The following CLEC2L variants were observed in gnomAD, a reference collection of about 807,000 sequenced individuals.
The protein encoded by CLEC2L is C-type lectin domain family 2, member L.
Under a neutral mutation model 23.6 loss-of-function variants are expected in CLEC2L, and 14 were observed. That is an observed-to-expected ratio of 0.59 (90% CI 0.39 to 0.93). The LOEUF is 0.93. Ranked by LOEUF, CLEC2L falls within the 40% of genes least tolerant of loss-of-function variation. The probability of loss-of-function intolerance (pLI) is 0.00; values close to 1 mark genes in which losing one functional copy is unlikely to be tolerated. For missense variants in CLEC2L, 264 were observed against 282.4 expected (o/e 0.93, Z 0.47); for synonymous variants, 114 against 121.3 (o/e 0.94, Z 0.40).
chr7:139,530,170 C>T (rs1316659187), intron 1 of CLEC2L, among the ~76,000 whole-genome samples: 3 of 151,070 alleles, frequency 2.0e-5, no homozygotes, highest in East Asian at 1.9e-4. Flanking sequence ...TGTGACAGAG[C>T]GAGACTCTGT....
At chr7:139,531,674 T>G (rs1056703798) in intron 1 of CLEC2L, among the ~76,000 whole-genome samples, 2 of 152,086 alleles carry the variant, frequency 1.3e-5, no homozygotes, top group Non-Finnish European at 1.5e-5. Flanking sequence ...TTTGGGAGGC[T>G]GAGGCGGGTG....
rs879035410 is a variant in CLEC2L, at chr7:139,534,262, A to G, written c.191-2012A>G. 7 of 1,359,478 alleles carry G rather than the reference A, an allele frequency of 5.1e-6. No homozygotes were observed. The South Asian group carries it at 5.8e-5, about 11-fold the overall frequency. 84.2% of individuals were successfully genotyped at this position (1,359,478 alleles called of 1,614,324 possible). A position where few individuals can be genotyped will look rare whatever the true frequency, so the allele number is the denominator to read the frequency against. On this transcript the variant is annotated intron_variant, in intron 1 of 4. Transcript: ENST00000422142. ...CGCGATGTCTCACACCATTTTGCTG[A>G]TACAGACTACCAAGAGGCCAGAAGG... is the stretch of plus-strand genomic sequence containing the variant.
chr7:139,538,120 G>A (rs1026704842), intron 2 of CLEC2L, among the ~76,000 whole-genome samples: 44 of 152,292 alleles, frequency 2.9e-4, no homozygotes, highest in Admixed American at 8.5e-4. Flanking sequence ...GACAAGGAGA[G>A]GGGTTCTGAG....
chr7:139,523,884 AC>A lies in CLEC2L; in HGVS notation c.-40del, dbSNP rs1215952682. The A allele has an allele frequency of 1.0e-6, 1 of 977,080 alleles. No homozygotes were observed. The highest frequency in any genetic ancestry group is 1.2e-6 in the Non-Finnish European group (1 of 825,832). The allele number at this position is 977,080 out of a possible 1,614,324, so 60.5% of individuals were successfully genotyped here. A position where few individuals can be genotyped will look rare whatever the true frequency, so the allele number is the denominator to read the frequency against. ...GAGTGCGCGTCGGGCTGGGCCCCGC[AC>A]CCCGGTGCAGGAGCGCGGGCGCGGC... On this transcript the variant is annotated 5_prime_UTR_variant, in exon 1 of 5. Coordinates refer to ENST00000422142, the MANE Select transcript of CLEC2L (RefSeq NM_001080511.4). The surrounding 1 kb of genome is among the most constrained non-coding windows in gnomAD (Gnocchi z 4.1).
rs547133099 is a variant in CLEC2L at position 139,528,548 on chromosome 7, AG to A, written c.190+4432del. ...CTTTATAAAACCATCAGATCTTGTG[AG>A]ACTTACTCACTATCACAAGAACAGC... On this transcript the variant is annotated intron_variant, in intron 1 of 4. Transcript: ENST00000422142. Among the ~76,000 whole-genome samples the A allele has an allele frequency of 7.9e-5, 12 of 152,244 alleles. No individual in the cohort carries two copies. In the South Asian group the frequency reaches 2.5e-3, roughly 32 times the overall value.
intron 1 of CLEC2L, among the ~76,000 whole-genome samples, chr7:139,529,102 G>A (rs1441718442): frequency 2.0e-5 from 3 of 152,142 alleles, no homozygotes; most frequent in South Asian, 2.1e-4. Flanking sequence ...CTGAAGGTGA[G>A]TAAAGCACAG....
chr7:139,537,228 G>A (rs189797329), intron 2 of CLEC2L, among the ~76,000 whole-genome samples: 168 of 152,190 alleles, frequency 1.1e-3, no homozygotes, highest in African/African-American at 3.9e-3. Flanking sequence ...AGAGTGCTAG[G>A]GAGGAAAAAC....
chr7:139,542,102 G>T lies in CLEC2L; in HGVS notation c.514G>T (p.Asp172Tyr). 6.2e-7 allele frequency: 1 copy of T among 1,611,668 alleles called. No homozygotes were observed. The highest frequency in any genetic ancestry group is 8.5e-7 in the Non-Finnish European group (1 of 1,178,900). The change falls in exon 4 of 5, where the codon GAC becomes TAC. Residue 172 changes from aspartate to tyrosine, a missense_variant. Transcript: ENST00000422142. ...GGACGAATTCCACTGGGTCAACGGG[G>T]ACCCGTTTGATCCGGACACGTGAGC... ...VGDEFHWVNG[D>Y]PFDPDTFTIA...
intron 1 of CLEC2L, among the ~76,000 whole-genome samples, chr7:139,526,230 G>T (rs1157966581): frequency 6.6e-6 from 1 of 152,122 alleles, no homozygotes; most frequent in Non-Finnish European, 1.5e-5. Context: ...TGGGAAAGGA[G>T]CCTGAGAGGA....
rs780001718 is a variant in CLEC2L, at chr7:139,540,450, A to G, written c.395A>G (p.Glu132Gly). Residue 132 changes from glutamate (E) to glycine (G), a missense_variant, in exon 3 of 5, where the codon GAG becomes GGG. Physicochemically the swap from Glu to Gly is moderately conservative, Grantham distance 98 (BLOSUM62 -2). Transcript: ENST00000422142. This position sits in a 1 kb window ranked among gnomAD's most constrained non-coding sequence, Gnocchi z 5.8. ...NTGRQYCHTH[E>G]AVLAVIQSQK... Reference sequence around the variant, plus strand: ...GGCAGGCAGTACTGCCACACCCACGAGGCGGTGCTGGCTGTGATTCAGAGC... The same window carrying G: ...GGCAGGCAGTACTGCCACACCCACGGGGCGGTGCTGGCTGTGATTCAGAGC... 5 of 1,601,856 alleles carry G rather than the reference A, an allele frequency of 3.1e-6. No homozygotes were observed. The South Asian group carries it at 3.4e-5, about 11-fold the overall frequency.
chr7:139,530,813 C>CA (rs34317849), intron 1 of CLEC2L, among the ~76,000 whole-genome samples: 6,295 of 80,516 alleles, frequency 0.078, 469 homozygotes, highest in African/African-American at 0.19. Flanking sequence ...ACTCTTGTCT[C>CA]AAAAAAAAAA....
Position 139,523,770 on chromosome 7 carries a change from G to T in CLEC2L, c.-158G>T, listed in dbSNP as rs1485050041. 1 of 331,726 alleles carries T rather than the reference G, an allele frequency of 3.0e-6. No individual in the cohort carries two copies. The highest frequency in any genetic ancestry group is 4.3e-6 in the Non-Finnish European group (1 of 233,810). 20.5% of individuals were successfully genotyped at this position (331,726 alleles called of 1,614,324 possible). A position where few individuals can be genotyped will look rare whatever the true frequency, so the allele number is the denominator to read the frequency against. ...CACCCGGCGCAGAGGCTCCAGCGCG[G>T]GGAGCCGGGCTCAGCCCCGGCCTGC... On this transcript the variant is annotated 5_prime_UTR_variant, in exon 1 of 5. Transcript: ENST00000422142. The surrounding 1 kb of genome is among the most constrained non-coding windows in gnomAD (Gnocchi z 4.1).
chr7:139,540,289 C>T lies in CLEC2L; in HGVS notation c.266-32C>T, dbSNP rs529133616. 1.6e-4 allele frequency: 168 copies of T among 1,071,820 alleles called. No individual in the cohort carries two copies. Among genetic ancestry groups the T allele is most frequent in the Admixed American group, 1.6e-4 (7 of 43,106 alleles). 66.4% of individuals were successfully genotyped at this position (1,071,820 alleles called of 1,614,324 possible). A position where few individuals can be genotyped will look rare whatever the true frequency, so the allele number is the denominator to read the frequency against. On this transcript the variant is annotated intron_variant, in intron 2 of 4. Transcript: ENST00000422142. The surrounding 1 kb of genome is among the most constrained non-coding windows in gnomAD (Gnocchi z 5.8). ...CAGAGTGGGACTCGGGCTGGGGGGG[C>T]GGGCAGGGCCGAGCTGGTCTCTTCC...
intron 1 of CLEC2L, among the ~76,000 whole-genome samples, chr7:139,531,523 G>A (rs958838375): frequency 6.6e-6 from 1 of 152,120 alleles, no homozygotes; most frequent in Non-Finnish European, 1.5e-5. Flanking sequence ...GAAATTTGGA[G>A]GACCAATCTA....
chr7:139,525,718 A>G (rs1276646111), intron 1 of CLEC2L, among the ~76,000 whole-genome samples: 1 of 152,066 alleles, frequency 6.6e-6, no homozygotes, highest in African/African-American at 2.4e-5. Flanking sequence ...CCCAGCCCCC[A>G]TGGTAGGGCT....
chr7:139,542,182 C>G (rs1797745767), intron 4 of CLEC2L, 61 bp downstream of exon 4: 14 of 1,134,662 alleles, frequency 1.2e-5, no homozygotes, highest in Non-Finnish European at 1.7e-5. Context: ...TGACTCACCC[C>G]CTGGACACAA....
chr7:139,525,178 AC>A (rs1797489541), intron 1 of CLEC2L, among the ~76,000 whole-genome samples: 1 of 151,646 alleles, frequency 6.6e-6, no homozygotes, highest in Non-Finnish European at 1.5e-5. Context: ...TGAAGGGGCT[AC>A]TGAGGGGTGG....
intron 4 of CLEC2L, among the ~76,000 whole-genome samples, chr7:139,543,736 T>C (rs1797769118): frequency 6.6e-6 from 1 of 152,170 alleles, no homozygotes; most frequent in Non-Finnish European, 1.5e-5. Context: ...TCTGCAGAGC[T>C]CCTCCTGTGT....
At chr7:139,532,716 C>A (rs1040916943) in intron 1 of CLEC2L, among the ~76,000 whole-genome samples, 1 of 152,160 alleles carries the variant, frequency 6.6e-6, no homozygotes, top group Non-Finnish European at 1.5e-5. Flanking sequence ...GGAACAGACA[C>A]CAGAACTTCC....
Sources: allele counts gnomAD v4.1 joint callset (sites outside exome capture counted in the v4.1 genomes callset), GRCh38; gene constraint gnomAD v4.1.1; non-coding constraint Gnocchi (gnomAD v3.1); transcripts MANE v1.5; gene names NCBI Gene and HGNC (gene_info 2026-07-23, HGNC 2026-07-21).